CDH7: variants seen among roughly 807,000 people sequenced by gnomAD.
CDH7 encodes cadherin 7, also known as cadherin-7.
CDH7 carries 25 observed loss-of-function variants against 71.8 expected under a neutral mutation model. That is an observed-to-expected ratio of 0.35 (90% confidence interval 0.25 to 0.49). The LOEUF (loss-of-function observed/expected upper bound fraction) is 0.49, where lower values mean the gene tolerates loss of function less well. Among genes scored for constraint, CDH7 ranks in the 20% least tolerant of loss-of-function variants. The pLI is 0.99. For missense variants in CDH7, 862 were observed against 974.6 expected, an observed-to-expected ratio of 0.88 and a Z score of 1.54; for synonymous variants, 381 against 363.8, an observed-to-expected ratio of 1.05 and a Z score of -0.54.
At chr18:65,807,551 C>T (rs568782652) in intron 2 of CDH7, among the ~76,000 whole-genome samples, 1 of 152,274 alleles carries the variant, frequency 6.6e-6, no homozygotes, top group East Asian at 1.9e-4. Flanking sequence ...CATTGCACAC[C>T]ACTGTCAGCA....
At chr18:65,844,975 A>G (rs1337376396) in intron 7 of CDH7, among the ~76,000 whole-genome samples, 3 of 152,030 alleles carry the variant, frequency 2.0e-5, no homozygotes, top group Admixed American at 6.6e-5. Context: ...CTATCCACAG[A>G]CTTTTAGATT....
chr18:65,807,863 G>A (rs1006264083), intron 2 of CDH7, among the ~76,000 whole-genome samples: 7 of 152,168 alleles, frequency 4.6e-5, no homozygotes, highest in African/African-American at 1.4e-4. Context: ...GGGTGATCAG[G>A]TGGGGTTGGT....
chr18:65,781,890 CTCTTTCTCTCTA>C lies in CDH7; in HGVS notation c.210+18850_210+18861del, dbSNP rs1568181821. ...TCTCTCTCTCTCTCTGTCTCTCTCT[CTCTTTCTCTCTA>C]TCTTTCTCTCTTTCTCTCTTTCTCT... On this transcript the variant is annotated intron_variant, in intron 2 of 11. Coordinates refer to ENST00000397968, the MANE Select transcript of CDH7 (RefSeq NM_004361.5). 6.8e-4 allele frequency among the ~76,000 whole-genome samples: 67 copies of C among 98,248 alleles called. 6 individuals carry two copies. The highest frequency in any genetic ancestry group is 2.7e-3 in the African/African-American group (58 of 21,364). 64.5% of individuals were successfully genotyped at this position (98,248 alleles called of 152,430 possible).
At chr18:65,807,138 G>A (rs1393913955) in intron 2 of CDH7, among the ~76,000 whole-genome samples, 1 of 152,002 alleles carries the variant, frequency 6.6e-6, no homozygotes, top group African/African-American at 2.4e-5. Context: ...GCATGGGTAG[G>A]TAATAGAAGA....
In CDH7 at chr18:65,781,960, CTT is replaced by C. The variant is rs1491450365; in HGVS notation, c.210+18910_210+18911del. On this transcript the variant is annotated intron_variant, in intron 2 of 11. Coordinates refer to ENST00000397968, the MANE Select transcript of CDH7 (RefSeq NM_004361.5). ...TCTCTCTCTCTTTCTCTCTTTCTCT[CTT>C]TCTCTCTCTCTCTCTCTCTCTCTCT... Among the ~76,000 whole-genome samples, 6 of 90,308 alleles carry C rather than the reference CTT, an allele frequency of 6.6e-5. 1 individual carries two copies. The highest frequency in any genetic ancestry group is 5.3e-4 in the East Asian group (2 of 3,760). 59.2% of individuals were successfully genotyped at this position (90,308 alleles called of 152,430 possible).
At chr18:65,853,646 T>G (rs1452652989) in intron 7 of CDH7, among the ~76,000 whole-genome samples, 1 of 151,890 alleles carries the variant, frequency 6.6e-6, no homozygotes, top group Non-Finnish European at 1.5e-5. Flanking sequence ...AGGACTGTTC[T>G]GGATGTTCAG....
Position 65,880,596 on chromosome 18 carries a change from C to G in CDH7, c.2060C>G (p.Thr687Ser). 1 of 1,613,848 alleles carries G rather than the reference C, an allele frequency of 6.2e-7. No homozygotes were observed. Among genetic ancestry groups the G allele is most frequent in the Non-Finnish European group, 8.5e-7 (1 of 1,179,954 alleles). Residue 687 changes from threonine to serine, a missense_variant, in exon 12 of 12, where the codon ACT becomes AGT. By Grantham distance (58) the Thr-to-Ser change is moderately conservative. Coordinates refer to ENST00000397968, the MANE Select transcript of CDH7 (RefSeq NM_004361.5). ...GACACCAAGACCCGGAGGGATGTGA[C>G]TCCAGAAATTCAATTCCTGAGTCGA... is the stretch of plus-strand genomic sequence containing the variant. ...IRDTKTRRDV[T>S]PEIQFLSRPA...
intron 2 of CDH7, among the ~76,000 whole-genome samples, chr18:65,767,729 A>G (rs1916418869): frequency 6.6e-6 from 1 of 152,214 alleles, no homozygotes; most frequent in African/African-American, 2.4e-5. Context: ...TTCAAAAGGA[A>G]TTTGGACACG....
At chr18:65,759,768 C>CA (rs1370740277) in intron 1 of CDH7, among the ~76,000 whole-genome samples, 1 of 152,204 alleles carries the variant, frequency 6.6e-6, no homozygotes, top group Non-Finnish European at 1.5e-5. Context: ...GCTTGTAGGA[C>CA]AATGAGTCCT....
Position 65,822,066 on chromosome 18 carries a change from T to A in CDH7, c.626-15T>A, listed in dbSNP as rs1911950101. The A allele has an allele frequency of 2.5e-6, 4 of 1,605,190 alleles. No homozygotes were observed. The African/African-American group carries it at 5.4e-5, about 21-fold the overall frequency. On this transcript the variant is annotated splice_polypyrimidine_tract_variant and intron_variant, in intron 4 of 11. Transcript: ENST00000397968. The stretch of plus-strand genomic sequence containing the variant: ...TGATTCATGATGAGTTTTACTGGGA[T>A]TTGAAATTTTACAGGAGTCATCAAG...
chr18:65,883,720 ACC>A lies in CDH7; in HGVS notation c.*2827_*2828del, dbSNP rs1914295973. On this transcript the variant is annotated 3_prime_UTR_variant, in exon 12 of 12. Coordinates refer to ENST00000397968, the MANE Select transcript of CDH7 (RefSeq NM_004361.5). ...CTGGAGAACAAGTTGTTAAACATTTACCAGCACTCTACTGCTTAAATTATTTT... is the reference window on the plus strand; with the variant it reads ...CTGGAGAACAAGTTGTTAAACATTTAAGCACTCTACTGCTTAAATTATTTT... 1 of 152,122 alleles carries A rather than the reference ACC, an allele frequency of 6.6e-6. No individual in the cohort carries two copies. The highest frequency in any genetic ancestry group is 6.5e-5 in the Admixed American group (1 of 15,268). The allele number at this position is 152,122 out of a possible 1,614,324, so 9.4% of individuals were successfully genotyped here.
intron 7 of CDH7, among the ~76,000 whole-genome samples, chr18:65,848,717 A>G (rs1913023192): frequency 2.6e-5 from 4 of 152,352 alleles, no homozygotes; most frequent in African/African-American, 9.6e-5. Context: ...ATTATTACAA[A>G]TAAGATCAGA....
In CDH7 at chr18:65,885,662, G is replaced by C. The variant is rs1258107993; in HGVS notation, c.*4768G>C. On this transcript the variant is annotated 3_prime_UTR_variant, in exon 12 of 12. Coordinates refer to ENST00000397968, the MANE Select transcript of CDH7 (RefSeq NM_004361.5). Reference sequence around the variant, plus strand: ...ATTACAGGCGTGAGCCACCGCGCCCGGCCCTGTGTGTGCGTTTTCATGTGT... The same window carrying C: ...ATTACAGGCGTGAGCCACCGCGCCCCGCCCTGTGTGTGCGTTTTCATGTGT... 1 of 152,012 alleles carries C rather than the reference G, an allele frequency of 6.6e-6. No homozygotes were observed. Among genetic ancestry groups the C allele is most frequent in the Admixed American group, 6.6e-5 (1 of 15,256 alleles). 9.4% of individuals were successfully genotyped at this position (152,012 alleles called of 1,614,324 possible).
chr18:65,762,942 T>A lies in CDH7; in HGVS notation c.100T>A (p.Ser34Thr). 6.2e-7 allele frequency: 1 copy of A among 1,613,654 alleles called. No homozygotes were observed. Among genetic ancestry groups the A allele is most frequent in the Non-Finnish European group, 8.5e-7 (1 of 1,179,804 alleles). The change falls in exon 2 of 12, where the codon TCA becomes ACA. Residue 34 changes from serine to threonine, a missense_variant. Transcript: ENST00000397968. ...MSQAELSRSR[S>T]KPYFQSGRSR... ...TCAAGCAGAACTCTCAAGGTCCAGA[T>A]CAAAGCCCTATTTCCAATCAGGGAG...
At chr18:65,847,877 G>C (rs932981888) in intron 7 of CDH7, among the ~76,000 whole-genome samples, 4 of 151,984 alleles carry the variant, frequency 2.6e-5, no homozygotes, top group Admixed American at 2.6e-4. Context: ...GCAGGGAGTG[G>C]TATGTGGAAA....
At chr18:65,863,557 C>A (rs1913654679) in intron 11 of CDH7, 1 of 152,200 alleles carries the variant, frequency 6.6e-6, no homozygotes. Context: ...ATACACTAGA[C>A]TGGAGAATAC....
At chr18:65,823,688 C>A (rs1028585635) in intron 5 of CDH7, among the ~76,000 whole-genome samples, 5 of 151,834 alleles carry the variant, frequency 3.3e-5, no homozygotes, top group African/African-American at 1.2e-4. Flanking sequence ...TAGAAAATTG[C>A]GAACAAGTCT....
chr18:65,880,438 A>G lies in CDH7; in HGVS notation c.1902A>G (p.Lys634=), dbSNP rs761287680. The change falls in exon 12 of 12, where the codon AAA becomes AAG. Residue 634 remains lysine (K), a synonymous_variant. Coordinates refer to ENST00000397968, the MANE Select transcript of CDH7 (RefSeq NM_004361.5). ...ILLIVTMRRR[K]KEPLIFDEER... Reference sequence around the variant, plus strand: ...TTATCGTCACTATGAGAAGACGGAAAAAAGAGCCCCTTATTTTTGACGAAG... The same window carrying G: ...TTATCGTCACTATGAGAAGACGGAAGAAAGAGCCCCTTATTTTTGACGAAG... The G allele has an allele frequency of 6.4e-7, 1 of 1,561,760 alleles. No homozygotes were observed. Among genetic ancestry groups the G allele is most frequent in the Admixed American group, 2.0e-5 (1 of 48,806 alleles).
intron 10 of CDH7, among the ~76,000 whole-genome samples, 185 bp from the exon 11 acceptor site, chr18:65,862,480 TA>T (rs1913599364): frequency 6.6e-6 from 1 of 152,232 alleles, no homozygotes; most frequent in Non-Finnish European, 1.5e-5. Context: ...ATAAATGTCT[TA>T]TAATGTATTA....
Sources: allele counts gnomAD v4.1 joint callset (sites outside exome capture counted in the v4.1 genomes callset), GRCh38; gene constraint gnomAD v4.1.1; transcripts MANE v1.5; gene names NCBI Gene and HGNC (gene_info 2026-07-23, HGNC 2026-07-21).